Variants in SLC9A7 observed in about 807,000 individuals in gnomAD.
SLC9A7 encodes solute carrier family 9 member A7, also known as sodium/hydrogen exchanger 7.
Under a neutral mutation model 52.6 loss-of-function variants are expected in SLC9A7, and 19 were observed. The ratio of observed to expected loss-of-function variants is 0.36; its 90% CI spans 0.25 to 0.53. The LOEUF (loss-of-function observed/expected upper bound fraction) is 0.53. Ranked by LOEUF, SLC9A7 falls within the 20% of genes least tolerant of loss-of-function variation. The probability of loss-of-function intolerance (pLI) is 0.91; values close to 1 mark genes in which losing one functional copy is unlikely to be tolerated. For missense variants in SLC9A7, 455 were observed against 597.9 expected, an observed-to-expected ratio of 0.76 and a Z score of 2.49; for synonymous variants, 226 against 252.1, an observed-to-expected ratio of 0.90 and a Z score of 0.98.
intron 1 of SLC9A7, among the ~76,000 whole-genome samples, chrX:46,743,485 CAT>C (rs1166591746): frequency 1.2e-4 from 13 of 112,236 alleles, no homozygotes; most frequent in African/African-American, 4.2e-4. Flanking sequence ...AGAAACACTG[CAT>C]ATGTGCCGCT....
At chrX:46,737,156 GGA>G (rs1193016783) in intron 1 of SLC9A7, among the ~76,000 whole-genome samples, 1 of 111,755 alleles carries the variant, frequency 8.9e-6, no homozygotes, top group Non-Finnish European at 1.9e-5. Flanking sequence ...TTAGGGAGAT[GGA>G]GAGATATCTA....
chrX:46,603,560 CA>C lies in SLC9A7; in HGVS notation c.*3391del, dbSNP rs1942692182. On this transcript the variant is annotated 3_prime_UTR_variant, in exon 17 of 17. Coordinates refer to ENST00000616978, the MANE Select transcript of SLC9A7 (RefSeq NM_001257291.2). The stretch of plus-strand genomic sequence containing the variant: ...TCTAAAAAAAACTCAAAATAATGGC[CA>C]GGGGCGGTGGCTCACGCCTGTAATC... 1 of 112,232 alleles carries C rather than the reference CA, an allele frequency of 8.9e-6. No individual in the cohort carries two copies. The highest frequency in any genetic ancestry group is 3.2e-5 in the African/African-American group (1 of 30,882). 9.2% of individuals were successfully genotyped at this position (112,232 alleles called of 1,213,427 possible).
chrX:46,723,129 A>G (rs1944885433), intron 1 of SLC9A7, among the ~76,000 whole-genome samples: 1 of 109,658 alleles, frequency 9.1e-6, no homozygotes, highest in South Asian at 3.9e-4. Context: ...GGAAATATGG[A>G]CAAAATACAA....
intron 1 of SLC9A7, among the ~76,000 whole-genome samples, chrX:46,755,949 T>C (rs1556292025): frequency 9.2e-6 from 1 of 109,223 alleles, no homozygotes; most frequent in Non-Finnish European, 1.9e-5. Context: ...ATGTTACTCA[T>C]CTATTGCATG....
At chrX:46,644,807 C>A (rs1602169447) in intron 11 of SLC9A7, among the ~76,000 whole-genome samples, 1 of 111,908 alleles carries the variant, frequency 8.9e-6, no homozygotes, top group African/African-American at 3.2e-5. Flanking sequence ...TATATGTAAT[C>A]TGAGCACTTC....
chrX:46,735,364 T>C (rs1442995422), intron 1 of SLC9A7, among the ~76,000 whole-genome samples: 2 of 111,887 alleles, frequency 1.8e-5, no homozygotes, highest in East Asian at 2.8e-4. Flanking sequence ...TCAAATAATA[T>C]AGCCACTTCA....
At position 46,744,699 on chromosome X, in the gene SLC9A7, C is replaced by T. The variant is rs186185457; in HGVS notation, c.325+14006G>A. ...ATGTTAAGTTTAACAAAACATAGCG[C>T]TTAACACTGTTCTTCCCCAAAGGTT... On this transcript the variant is annotated intron_variant, in intron 1 of 16. Coordinates refer to ENST00000616978, the MANE Select transcript of SLC9A7 (RefSeq NM_001257291.2). Among the ~76,000 whole-genome samples, 437 of 111,898 alleles carry T rather than the reference C, an allele frequency of 3.9e-3. 5 individuals carry two copies. The highest frequency in any genetic ancestry group is 0.013 in the African/African-American group (413 of 30,867).
chrX:46,688,623 T>C (rs946071448), intron 1 of SLC9A7, among the ~76,000 whole-genome samples: 9 of 108,698 alleles, frequency 8.3e-5, no homozygotes, highest in African/African-American at 3.0e-4. Context: ...AAAAGAGTTA[T>C]AGTTTGTTTA....
At position 46,648,675 on chromosome X, in the gene SLC9A7, C is replaced by T. The variant is rs368388682; in HGVS notation, c.1462+11G>A. On this transcript the variant is annotated intron_variant, in intron 11 of 16. Coordinates refer to ENST00000616978, the MANE Select transcript of SLC9A7 (RefSeq NM_001257291.2). ...ATAAAACTCATTTTCTTTACACTTACGCCTTTTTACCTGAAAACATCATCA... is the reference window on the plus strand; with the variant it reads ...ATAAAACTCATTTTCTTTACACTTATGCCTTTTTACCTGAAAACATCATCA... 5.4e-5 allele frequency: 62 copies of T among 1,139,012 alleles called. No homozygotes were observed. Among genetic ancestry groups the T allele is most frequent in the South Asian group, 1.1e-4 (6 of 54,956 alleles). The allele number at this position is 1,139,012 out of a possible 1,213,427, so 93.9% of individuals were successfully genotyped here. A position where few individuals can be genotyped will look rare whatever the true frequency, so the allele number is the denominator to read the frequency against.
chrX:46,630,179 A>G (rs1235661629), intron 14 of SLC9A7, among the ~76,000 whole-genome samples: 4 of 111,324 alleles, frequency 3.6e-5, no homozygotes, highest in African/African-American at 1.3e-4. Context: ...AGAGAAAGAA[A>G]CCACAAAAGG....
chrX:46,734,227 G>A, intron 1 of SLC9A7, among the ~76,000 whole-genome samples: 1 of 56,549 alleles, frequency 1.8e-5, no homozygotes, highest in Non-Finnish European at 3.4e-5. Flanking sequence ...AACCATTGTT[G>A]TAGATTAAAA....
chrX:46,634,455 T>TA (rs202178253), intron 13 of SLC9A7, among the ~76,000 whole-genome samples: 20 of 105,193 alleles, frequency 1.9e-4, no homozygotes, highest in South Asian at 4.1e-4. Flanking sequence ...TAATTTTTTC[T>TA]AAAAAAAAAA....
chrX:46,627,247 A>G (rs1455465064), intron 14 of SLC9A7, among the ~76,000 whole-genome samples: 1 of 110,658 alleles, frequency 9.0e-6, no homozygotes, highest in Non-Finnish European at 1.9e-5. Context: ...CCAAGAGGTC[A>G]AGGCTGCAAT....
intron 1 of SLC9A7, among the ~76,000 whole-genome samples, chrX:46,729,358 TTAACA>T (rs1944992291): frequency 8.9e-6 from 1 of 112,519 alleles, no homozygotes; most frequent in South Asian, 3.6e-4. Context: ...GTTTGGTGCA[TTAACA>T]TAACATTGCA....
In SLC9A7 at chrX:46,643,459, G is replaced by A; in HGVS notation, c.1463-70C>T. 3.0e-6 allele frequency: 3 copies of A among 1,013,060 alleles called. No individual in the cohort carries two copies. The East Asian group carries it at 9.3e-5, about 32-fold the overall frequency. 83.5% of individuals were successfully genotyped at this position (1,013,060 alleles called of 1,213,427 possible). ...CAATGTTGTCTCAAAATGCACTGCTGCCATTTGGGGCTAATAAACTCTATT... is the reference window on the plus strand; with the variant it reads ...CAATGTTGTCTCAAAATGCACTGCTACCATTTGGGGCTAATAAACTCTATT... On this transcript the variant is annotated intron_variant, in intron 11 of 16. Coordinates refer to ENST00000616978, the MANE Select transcript of SLC9A7 (RefSeq NM_001257291.2).
At chrX:46,639,762 T>A (rs1216040362) in intron 12 of SLC9A7, among the ~76,000 whole-genome samples, 1 of 99,131 alleles carries the variant, frequency 1.0e-5, no homozygotes, top group African/African-American at 3.8e-5. Context: ...TGATGGTCTA[T>A]ATGGTCTATG....
At chrX:46,718,435 A>G (rs1352435319) in intron 1 of SLC9A7, among the ~76,000 whole-genome samples, 69 of 112,255 alleles carry the variant, frequency 6.1e-4, no homozygotes, top group African/African-American at 2.1e-3. Context: ...ACAAAAGCCA[A>G]AATTGACAAA....
At chrX:46,748,275 G>A (rs1921925428) in intron 1 of SLC9A7, among the ~76,000 whole-genome samples, 1 of 107,778 alleles carries the variant, frequency 9.3e-6, no homozygotes, top group Non-Finnish European at 1.9e-5. Flanking sequence ...GAACCTGGGA[G>A]GCAGAAGTTG....
At chrX:46,636,374 C>T (rs142335413) in intron 12 of SLC9A7, among the ~76,000 whole-genome samples, 1 of 110,753 alleles carries the variant, frequency 9.0e-6, no homozygotes, top group African/African-American at 3.3e-5. Flanking sequence ...GTTGTGGTGA[C>T]CCGCATGGTG....
Sources: allele counts gnomAD v4.1 joint callset (sites outside exome capture counted in the v4.1 genomes callset), GRCh38; gene constraint gnomAD v4.1.1; transcripts MANE v1.5; gene names NCBI Gene and HGNC (gene_info 2026-07-23, HGNC 2026-07-21).